The following EPHA5 variants were observed in gnomAD, a reference collection of about 807,000 sequenced individuals.
EPHA5 encodes EPH receptor A5, also known as ephrin type-A receptor 5.
In EPHA5, 60 loss-of-function variants were observed where a neutral mutation model predicts 105.0. The ratio of observed to expected loss-of-function variants is 0.57; its 90% confidence interval spans 0.46 to 0.71. The LOEUF (loss-of-function observed/expected upper bound fraction) is 0.71, where lower values mean the gene tolerates loss of function less well. Ranked by LOEUF, EPHA5 falls within the 30% of genes least tolerant of loss-of-function variation. The probability of loss-of-function intolerance (pLI) is 0.00; values close to 1 mark genes in which losing one functional copy is unlikely to be tolerated. For missense variants in EPHA5, 1,218 were observed against 1,274.7 expected, an observed-to-expected ratio of 0.96 and a Z score of 0.68; for synonymous variants, 513 against 449.1, an observed-to-expected ratio of 1.14 and a Z score of -1.80.
intron 2 of EPHA5, among the ~76,000 whole-genome samples, chr4:65,620,081 C>A (rs1201160575): frequency 1.4e-5 from 2 of 142,702 alleles, no homozygotes; most frequent in East Asian, 2.0e-4. Context: ...CCAAACTACA[C>A]CAGATCTACA....
At chr4:65,331,651 A>G in intron 16 of EPHA5, 1 of 1,097,774 alleles carries the variant, frequency 9.1e-7, no homozygotes, top group Non-Finnish European at 1.1e-6. Flanking sequence ...CATTCATATA[A>G]CATAGATACC....
chr4:65,478,869 G>A (rs1054669182), intron 5 of EPHA5, among the ~76,000 whole-genome samples: 1 of 152,116 alleles, frequency 6.6e-6, no homozygotes, highest in Non-Finnish European at 1.5e-5. Flanking sequence ...AATATTTTAA[G>A]AAATCATTAA....
At chr4:65,437,121 A>G (rs1222568418) in intron 5 of EPHA5, among the ~76,000 whole-genome samples, 5 of 152,114 alleles carry the variant, frequency 3.3e-5, no homozygotes, top group African/African-American at 1.2e-4. Context: ...ATGAAGTGTT[A>G]ACACTATGAT....
chr4:65,602,824 A>G (rs1392109737), intron 2 of EPHA5, among the ~76,000 whole-genome samples: 2 of 152,164 alleles, frequency 1.3e-5, no homozygotes, highest in Non-Finnish European at 2.9e-5. Flanking sequence ...CATGTCACAA[A>G]TAACACACCA....
intron 5 of EPHA5, among the ~76,000 whole-genome samples, chr4:65,484,805 T>C (rs1461539406): frequency 2.0e-5 from 3 of 152,090 alleles, no homozygotes; most frequent in Non-Finnish European, 2.9e-5. Flanking sequence ...AAAACATAAA[T>C]ACACACTATT....
At chr4:65,409,961 G>T (rs1722762562) in intron 7 of EPHA5, among the ~76,000 whole-genome samples, 1 of 152,158 alleles carries the variant, frequency 6.6e-6, no homozygotes, top group Non-Finnish European at 1.5e-5. Flanking sequence ...ATTGCTGGTG[G>T]AAACGGAAAA....
chr4:65,448,039 A>G (rs1021993575), intron 5 of EPHA5, among the ~76,000 whole-genome samples: 3 of 152,210 alleles, frequency 2.0e-5, no homozygotes, highest in East Asian at 3.9e-4. Flanking sequence ...TCCAAAACCT[A>G]TAAGTGAAAA....
chr4:65,324,237 A>ACATTGGAT lies in EPHA5; in HGVS notation c.2946-26_2946-19dup. 1 of 1,557,952 alleles carries ACATTGGAT rather than the reference A, an allele frequency of 6.4e-7. No homozygotes were observed. The highest frequency in any genetic ancestry group is 8.8e-7 in the Non-Finnish European group (1 of 1,132,342). ...TCAAATCCCTGCATGAAGAAAGCAC[A>ACATTGGAT]CATTGGATGTATTGATTCAATTTGT... On this transcript the variant is annotated intron_variant, in intron 16 of 16. Coordinates refer to ENST00000613740, the MANE Select transcript of EPHA5 (RefSeq NM_001281766.3).
chr4:65,501,912 C>T (rs952516632), intron 3 of EPHA5, among the ~76,000 whole-genome samples: 19 of 151,566 alleles, frequency 1.3e-4, no homozygotes, highest in African/African-American at 3.4e-4. Context: ...GACACATAAA[C>T]GAATGGAACA....
rs13435365 is a variant in EPHA5, at chr4:65,351,360, G to A, written c.2445+29C>T. 1.9e-3 allele frequency: 3,022 copies of A among 1,599,536 alleles called. 50 individuals carry two copies. The African/African-American group carries it at 0.036, about 19-fold the overall frequency. The stretch of plus-strand genomic sequence containing the variant: ...TAAAAATAAATGGCTCTGGTCTAGT[G>A]TTTAGAAATGCACTCTGTTAGATCT... On this transcript the variant is annotated intron_variant, in intron 13 of 16. Coordinates refer to ENST00000613740, the MANE Select transcript of EPHA5 (RefSeq NM_001281766.3).
chr4:65,372,559 A>G (rs1181773520), intron 8 of EPHA5, among the ~76,000 whole-genome samples: 5 of 151,876 alleles, frequency 3.3e-5, no homozygotes, highest in African/African-American at 1.2e-4. Flanking sequence ...CAACTAATCT[A>G]TTTTTACTTA....
chr4:65,432,717 A>G (rs1482432115), intron 5 of EPHA5, among the ~76,000 whole-genome samples: 1 of 152,034 alleles, frequency 6.6e-6, no homozygotes, highest in African/African-American at 2.4e-5. Context: ...ATAGGTGGGC[A>G]GTGCTACACC....
intron 3 of EPHA5, among the ~76,000 whole-genome samples, chr4:65,568,427 T>C (rs1739782154): frequency 6.6e-6 from 1 of 151,496 alleles, no homozygotes; most frequent in Admixed American, 6.6e-5. Flanking sequence ...CACAATTTGT[T>C]ATAAAATATC....
At chr4:65,625,573 T>C (rs1746063385) in intron 2 of EPHA5, among the ~76,000 whole-genome samples, 1 of 152,146 alleles carries the variant, frequency 6.6e-6, no homozygotes, top group Admixed American at 6.5e-5. Context: ...AATATTATAA[T>C]CTTTAGTAAG....
At chr4:65,554,812 T>C (rs1465491671) in intron 3 of EPHA5, among the ~76,000 whole-genome samples, 1 of 151,638 alleles carries the variant, frequency 6.6e-6, no homozygotes, top group Non-Finnish European at 1.5e-5. Context: ...ATGTCAACAA[T>C]TATTTTAAGG....
At chr4:65,334,635 A>T (rs1341988549) in intron 15 of EPHA5, among the ~76,000 whole-genome samples, 1 of 152,012 alleles carries the variant, frequency 6.6e-6, no homozygotes, top group Non-Finnish European at 1.5e-5. Flanking sequence ...TGAATAAAGG[A>T]AAGGTAGTGA....
At chr4:65,571,865 T>C (rs1740223629) in intron 3 of EPHA5, among the ~76,000 whole-genome samples, 1 of 152,092 alleles carries the variant, frequency 6.6e-6, no homozygotes, top group Admixed American at 6.6e-5. Flanking sequence ...CCAAATATTA[T>C]GTCTATATTG....
intron 5 of EPHA5, among the ~76,000 whole-genome samples, chr4:65,428,608 G>T (rs1349358908): frequency 6.6e-6 from 1 of 152,184 alleles, no homozygotes; most frequent in East Asian, 1.9e-4. Context: ...AATGTCAGTA[G>T]TTCTAGAGAG....
At chr4:65,468,600 ATATTAT>A (rs1728967062) in intron 5 of EPHA5, among the ~76,000 whole-genome samples, 1 of 8,476 alleles carries the variant, frequency 1.2e-4, no homozygotes, top group Admixed American at 2.1e-3. Flanking sequence ...TATAATATAT[ATATTAT>A]ATATATTATA....
Sources: gnomAD v4.1 joint callset for allele counts (sites outside exome capture counted in the v4.1 genomes callset) on GRCh38, gnomAD v4.1.1 for gene constraint, MANE v1.5 for transcripts, NCBI Gene and HGNC (gene_info 2026-07-23, HGNC 2026-07-21) for gene names.